The following CELF4 variants were observed in gnomAD, a reference collection of about 807,000 sequenced individuals.
CELF4 encodes the protein CUG-BP- and ETR-3-like factor 4.
A neutral mutation model predicts 59.9 loss-of-function variants in CELF4; 18 were observed. That is an observed-to-expected ratio of 0.30 (90% CI 0.21 to 0.45). The LOEUF is 0.45. Among genes scored for constraint, CELF4 ranks in the 20% least tolerant of loss-of-function variants. CELF4 has a pLI of 1.00. For missense variants in CELF4, 456 were observed against 689.0 expected, an observed-to-expected ratio of 0.66 and a Z score of 3.79; for synonymous variants, 261 against 267.1, an observed-to-expected ratio of 0.98 and a Z score of 0.22.
intron 2 of CELF4, among the ~76,000 whole-genome samples, chr18:37,378,689 G>A (rs915744065): frequency 6.6e-6 from 1 of 151,942 alleles, no homozygotes; most frequent in African/African-American, 2.4e-5. Context: ...ATTTTTTAGG[G>A]TCTTATTAAA....
chr18:37,259,215 C>T lies in CELF4; in HGVS notation c.1299G>A (p.Gly433=). Residue 433 remains glycine, a synonymous_variant, in exon 11 of 13, where the codon GGG becomes GGA. Coordinates refer to ENST00000420428, the MANE Select transcript of CELF4 (RefSeq NM_020180.4). ...LFIYHLPQEF[G]DAELMQMFLP... ...GGAACATCTGCATCAGCTCAGCGTC[C>T]CCAAACTCCTGGGGCAGATGGTAGA... The T allele has an allele frequency of 6.2e-7, 1 of 1,611,146 alleles. No individual in the cohort carries two copies. The highest frequency in any genetic ancestry group is 8.5e-7 in the Non-Finnish European group (1 of 1,178,722).
intron 3 of CELF4, among the ~76,000 whole-genome samples, chr18:37,321,314 G>T (rs1158395658): frequency 3.9e-5 from 6 of 152,160 alleles, no homozygotes; most frequent in Non-Finnish European, 8.8e-5. Context: ...CCAGACACCT[G>T]TCTGACTGCC....
At chr18:37,380,520 C>G (rs1462751839) in intron 2 of CELF4, among the ~76,000 whole-genome samples, 1 of 152,158 alleles carries the variant, frequency 6.6e-6, no homozygotes, top group Non-Finnish European at 1.5e-5. Flanking sequence ...CATCCATCCA[C>G]CATTCATCAT....
Position 37,565,510 on chromosome 18 carries a change from C to A in CELF4, c.132G>T (p.Ser44=), listed in dbSNP as rs761674565. ...CATCGTGGTCCTTCATGGGAATGGT[C>A]GACGGGTTCCCCGGGCTGTGGCTTA... ...NGLSHSPGNP[S]TIPMKDHDAI... The change falls in exon 1 of 13, where the codon TCG becomes TCT. Residue 44 remains serine, a synonymous_variant. Coordinates refer to ENST00000420428, the MANE Select transcript of CELF4 (RefSeq NM_020180.4). The A allele has an allele frequency of 3.1e-6, 5 of 1,614,136 alleles. No individual in the cohort carries two copies. The East Asian group carries it at 1.1e-4, about 36-fold the overall frequency.
chr18:37,543,178 G>A (rs1335078513), intron 1 of CELF4, among the ~76,000 whole-genome samples: 1 of 152,166 alleles, frequency 6.6e-6, no homozygotes, highest in African/African-American at 2.4e-5. Context: ...ACATCATAGG[G>A]TTAGAGGCTG....
intron 3 of CELF4, among the ~76,000 whole-genome samples, chr18:37,308,884 T>A (rs926365248): frequency 7.9e-5 from 12 of 151,788 alleles, no homozygotes; most frequent in Non-Finnish European, 4.4e-5. Flanking sequence ...ATACATGGAG[T>A]TTCTCTACCT....
intron 2 of CELF4, among the ~76,000 whole-genome samples, chr18:37,466,165 C>T (rs1412918729): frequency 3.3e-5 from 5 of 152,322 alleles, no homozygotes; most frequent in South Asian, 2.1e-4. Flanking sequence ...AAGCCAAGCG[C>T]GAGACAGCAG....
At chr18:37,369,730 C>T (rs926932661) in intron 2 of CELF4, among the ~76,000 whole-genome samples, 1 of 152,218 alleles carries the variant, frequency 6.6e-6, no homozygotes, top group African/African-American at 2.4e-5. Context: ...CAGTTGATCC[C>T]AGTGACTCTC....
rs1368349813 is a variant in CELF4, at chr18:37,273,035, T to C, written c.930A>G (p.Ala310=). ...AALNMNGLAA[A]PMTPTSGGST... ...GCTCACCTGAGGTTGGGGTCATAGG[T>C]GCGGCCGCCAGGCCATTCATGTTGA... The change falls in exon 7 of 13, where the codon GCA becomes GCG. Residue 310 remains alanine, a synonymous_variant. Transcript: ENST00000420428. 5.6e-6 allele frequency: 9 copies of C among 1,611,198 alleles called. No individual in the cohort carries two copies. The highest frequency in any genetic ancestry group is 1.3e-5 in the African/African-American group (1 of 75,010).
chr18:37,551,890 A>G (rs1281397147), intron 1 of CELF4, among the ~76,000 whole-genome samples: 2 of 152,146 alleles, frequency 1.3e-5, no homozygotes, highest in Non-Finnish European at 2.9e-5. Context: ...GGCAGGTCCA[A>G]ATTTATTCAA....
At chr18:37,265,286 C>G (rs1161319096) in intron 9 of CELF4, among the ~76,000 whole-genome samples, 1 of 151,852 alleles carries the variant, frequency 6.6e-6, no homozygotes, top group Non-Finnish European at 1.5e-5. Context: ...TACATGCACA[C>G]ATGCACGTGT....
intron 10 of CELF4, among the ~76,000 whole-genome samples, chr18:37,262,596 A>G (rs781208224): frequency 6.6e-6 from 1 of 152,090 alleles, no homozygotes; most frequent in Non-Finnish European, 1.5e-5. Context: ...CGGCTGTGTG[A>G]AGGGTGGGGC....
intron 2 of CELF4, among the ~76,000 whole-genome samples, chr18:37,472,811 TC>T (rs1269541894): frequency 7.2e-5 from 11 of 152,166 alleles, no homozygotes; most frequent in Non-Finnish European, 1.6e-4. Context: ...TGAGGATTAC[TC>T]CAGGCTAGAG....
chr18:37,407,527 G>A (rs1156637001), intron 2 of CELF4, among the ~76,000 whole-genome samples: 1 of 152,052 alleles, frequency 6.6e-6, no homozygotes, highest in African/African-American at 2.4e-5. Flanking sequence ...GTGTACAGGT[G>A]TGTACATGTG....
chr18:37,253,736 C>T lies in CELF4; in HGVS notation c.*44+31G>A. The T allele has an allele frequency of 1.3e-6, 2 of 1,514,430 alleles. No homozygotes were observed. The highest frequency in any genetic ancestry group is 1.8e-6 in the Non-Finnish European group (2 of 1,123,468). 93.8% of individuals were successfully genotyped at this position (1,514,430 alleles called of 1,614,324 possible). A position where few individuals can be genotyped will look rare whatever the true frequency, so the allele number is the denominator to read the frequency against. ...GGTCCGTCTGGTTCCCTCCCAACCC[C>T]CGTCCCCGCGCCCCGGCCGCCCCCG... On this transcript the variant is annotated intron_variant, in intron 12 of 12. Coordinates refer to ENST00000420428, the MANE Select transcript of CELF4 (RefSeq NM_020180.4). This position sits in a 1 kb window ranked among gnomAD's most constrained non-coding sequence, Gnocchi z 4.5.
At chr18:37,501,343 A>C (rs2099931665) in intron 1 of CELF4, among the ~76,000 whole-genome samples, 1 of 152,232 alleles carries the variant, frequency 6.6e-6, no homozygotes, top group African/African-American at 2.4e-5. Context: ...TATGGCTTTT[A>C]ATCTTGCTTC....
intron 2 of CELF4, among the ~76,000 whole-genome samples, chr18:37,474,802 G>A (rs1298259333): frequency 6.6e-6 from 1 of 152,240 alleles, no homozygotes; most frequent in African/African-American, 2.4e-5. Context: ...TGTAGGTGGT[G>A]TCCTGCCCAT....
At chr18:37,362,671 G>A (rs962146316) in intron 2 of CELF4, among the ~76,000 whole-genome samples, 2 of 40,738 alleles carry the variant, frequency 4.9e-5, no homozygotes, top group East Asian at 2.7e-3. Flanking sequence ...GGCACCCGCT[G>A]GCTGCCCTGC....
chr18:37,483,264 T>C (rs1257310380), intron 2 of CELF4, among the ~76,000 whole-genome samples: 3 of 152,224 alleles, frequency 2.0e-5, no homozygotes, highest in African/African-American at 7.2e-5. Context: ...ATAATTTTAC[T>C]TGGTCATTTT....
Sources: gnomAD v4.1 joint callset for allele counts (sites outside exome capture counted in the v4.1 genomes callset) on GRCh38, gnomAD v4.1.1 for gene constraint, Gnocchi (gnomAD v3.1) non-coding constraint, MANE v1.5 for transcripts, NCBI Gene and HGNC (gene_info 2026-07-23, HGNC 2026-07-21) for gene names.